The following CACNA1D variants were observed in gnomAD, a reference collection of about 807,000 sequenced individuals.
CACNA1D encodes calcium voltage-gated channel subunit alpha1 D.
Under a neutral mutation model 257.1 loss-of-function variants are expected in CACNA1D, and 55 were observed. The ratio of observed to expected loss-of-function variants is 0.21; its 90% confidence interval spans 0.17 to 0.27. The LOEUF (loss-of-function observed/expected upper bound fraction) is 0.27. Ranked by LOEUF, CACNA1D falls within the 10% of genes least tolerant of loss-of-function variation. CACNA1D has a pLI of 1.00. For synonymous variants in CACNA1D, 980 were observed against 1,014.9 expected (o/e 0.97, Z 0.65); for missense variants, 1,876 against 2,784.0 (o/e 0.67, Z 7.34).
intron 35 of CACNA1D, 86 bp from the exon 36 acceptor site, chr3:53,776,517 A>T: frequency 6.6e-7 from 1 of 1,510,666 alleles, no homozygotes; most frequent in Non-Finnish European, 9.2e-7. Context: ...CCCATGTTTC[A>T]TGTCCATGTC....
At chr3:53,788,159 C>T (rs2095465719) in intron 40 of CACNA1D, among the ~76,000 whole-genome samples, 1 of 152,076 alleles carries the variant, frequency 6.6e-6, no homozygotes, top group South Asian at 2.1e-4. Context: ...GAATGACAAA[C>T]ATGAGCTGTG....
chr3:53,794,181 G>A (rs559000385), intron 40 of CACNA1D, among the ~76,000 whole-genome samples: 1 of 152,356 alleles, frequency 6.6e-6, no homozygotes, highest in Admixed American at 6.5e-5. Flanking sequence ...GTTAAGTGAT[G>A]TGACGTAGTA....
intron 10 of CACNA1D, chr3:53,718,700 A>C (rs1282852546): frequency 6.4e-7 from 1 of 1,558,790 alleles, no homozygotes; most frequent in South Asian, 1.2e-5. Flanking sequence ...GGAGACGGAG[A>C]GGCGCGGCCA....
Position 53,813,705 on chromosome 3 carries a change from G to A in CACNA1D, c.*2299G>A, listed in dbSNP as rs1485718683. 6.6e-6 allele frequency: 1 copy of A among 152,136 alleles called. No homozygotes were observed. Among genetic ancestry groups the A allele is most frequent in the East Asian group, 1.9e-4 (1 of 5,198 alleles). The allele number at this position is 152,136 out of a possible 1,614,324, so 9.4% of individuals were successfully genotyped here. A position where few individuals can be genotyped will look rare whatever the true frequency, so the allele number is the denominator to read the frequency against. ...TTTAAGCCTGGTTCAACCTCTCATC[G>A]AATATTAAATTTTTCTTTGTAAGAA... On this transcript the variant is annotated 3_prime_UTR_variant, in exon 48 of 48. Coordinates refer to ENST00000350061, the MANE Select transcript of CACNA1D (RefSeq NM_001128840.3).
At chr3:53,549,119 C>T (rs1484063513) in intron 3 of CACNA1D, among the ~76,000 whole-genome samples, 2 of 152,312 alleles carry the variant, frequency 1.3e-5, no homozygotes, top group Non-Finnish European at 2.9e-5. Context: ...AAACAGTCTG[C>T]AAATTAAATC....
chr3:53,623,126 G>A (rs1388331534), intron 3 of CACNA1D, among the ~76,000 whole-genome samples: 2 of 152,204 alleles, frequency 1.3e-5, no homozygotes, highest in Non-Finnish European at 2.9e-5. Flanking sequence ...CTGACCTCGT[G>A]ATCAGCCGGT....
At chr3:53,618,184 G>A (rs2093657693) in intron 3 of CACNA1D, among the ~76,000 whole-genome samples, 1 of 152,222 alleles carries the variant, frequency 6.6e-6, no homozygotes, top group Non-Finnish European at 1.5e-5. Context: ...AGTACCCAGT[G>A]TGTGTCTTTA....
At chr3:53,522,181 G>A (rs1355045292) in intron 3 of CACNA1D, among the ~76,000 whole-genome samples, 7 of 152,108 alleles carry the variant, frequency 4.6e-5, no homozygotes, top group African/African-American at 1.4e-4. Flanking sequence ...TATGGCCACC[G>A]TATTAGACGA....
chr3:53,758,571 A>G (rs184520445), intron 29 of CACNA1D, among the ~76,000 whole-genome samples: 2 of 152,286 alleles, frequency 1.3e-5, no homozygotes, highest in East Asian at 3.9e-4. Flanking sequence ...GATGGTGACA[A>G]TAGGGTTCTT....
At chr3:53,496,203 G>T (rs2090338249) in intron 1 of CACNA1D, among the ~76,000 whole-genome samples, 1 of 152,218 alleles carries the variant, frequency 6.6e-6, no homozygotes, top group African/African-American at 2.4e-5. Context: ...CTTCAGTGAG[G>T]AGACTGTGGC....
intron 10 of CACNA1D, 71 bp from the exon 11 acceptor site, chr3:53,719,684 G>C: frequency 2.2e-6 from 3 of 1,363,798 alleles, no homozygotes; most frequent in Non-Finnish European, 3.2e-6. Flanking sequence ...TGATATCTCA[G>C]CTGAAATGAT....
intron 30 of CACNA1D, 142 bp from the exon 31 acceptor site, chr3:53,769,831 C>T: frequency 2.6e-6 from 2 of 764,050 alleles, no homozygotes; most frequent in Non-Finnish European, 2.4e-6. Flanking sequence ...CCAAGGAGAG[C>T]CACTGGTATT....
At chr3:53,569,306 G>C (rs756114790) in intron 3 of CACNA1D, among the ~76,000 whole-genome samples, 4 of 152,168 alleles carry the variant, frequency 2.6e-5, no homozygotes, top group Non-Finnish European at 5.9e-5. Context: ...CCCTTGGAGA[G>C]GCACGCCCTG....
intron 10 of CACNA1D, chr3:53,718,596 C>CG: frequency 1.1e-6 from 1 of 951,862 alleles, no homozygotes; most frequent in Non-Finnish European, 1.6e-6. Context: ...CCCCGCCCCC[C>CG]GGCCCAGCAT....
At chr3:53,516,374 C>T (rs1476517814) in intron 3 of CACNA1D, among the ~76,000 whole-genome samples, 4 of 152,210 alleles carry the variant, frequency 2.6e-5, no homozygotes, top group Admixed American at 6.5e-5. Flanking sequence ...GATTTTTTCC[C>T]TTATTGTGGC....
At chr3:53,577,786 G>A (rs990370023) in intron 3 of CACNA1D, among the ~76,000 whole-genome samples, 2 of 152,188 alleles carry the variant, frequency 1.3e-5, no homozygotes, top group African/African-American at 4.8e-5. Flanking sequence ...ATTCCCAGTA[G>A]ATGGAATCCA....
intron 3 of CACNA1D, among the ~76,000 whole-genome samples, chr3:53,551,660 T>C (rs2092537940): frequency 6.6e-6 from 1 of 152,224 alleles, no homozygotes; most frequent in South Asian, 2.1e-4. Context: ...ATCTCATGGC[T>C]CTTTGCCATC....
At chr3:53,515,174 A>C (rs2091282743) in intron 3 of CACNA1D, among the ~76,000 whole-genome samples, 1 of 152,088 alleles carries the variant, frequency 6.6e-6, no homozygotes, top group South Asian at 2.1e-4. Context: ...TCAGCACACT[A>C]CCCACAAGGC....
At chr3:53,780,674 A>C (rs1348187685) in intron 38 of CACNA1D, among the ~76,000 whole-genome samples, 1 of 152,254 alleles carries the variant, frequency 6.6e-6, no homozygotes, top group African/African-American at 2.4e-5. Flanking sequence ...TGGCCTTCAC[A>C]GCCATGCTCA....
Sources: gnomAD v4.1 joint callset for allele counts (sites outside exome capture counted in the v4.1 genomes callset) on GRCh38, gnomAD v4.1.1 for gene constraint, MANE v1.5 for transcripts, NCBI Gene and HGNC (gene_info 2026-07-23, HGNC 2026-07-21) for gene names.